The following MGAM2 variants were observed in gnomAD, a reference collection of about 807,000 sequenced individuals.
MGAM2 encodes probable maltase-glucoamylase 2.
Under a neutral mutation model 96.1 loss-of-function variants are expected in MGAM2, and 98 were observed. The observed-to-expected ratio is 1.02, with a 90% confidence interval of 0.87 to 1.21. MGAM2 has a LOEUF of 1.21. MGAM2 is among the 50% of genes most tolerant of loss of function. The pLI is 0.00. For synonymous variants in MGAM2, 749 were observed against 414.8 expected, an observed-to-expected ratio of 1.81 and a Z score of -9.79; for missense variants, 2,055 against 1,182.4, an observed-to-expected ratio of 1.74 and a Z score of -10.82.
At chr7:142,196,445 C>A in intron 38 of MGAM2, 120 bp from the exon 39 acceptor site, 2 of 664,852 alleles carry the variant, frequency 3.0e-6, no homozygotes, top group South Asian at 1.7e-5. Context: ...TTACACCCAT[C>A]TTTTAATATT....
intron 40 of MGAM2, among the ~76,000 whole-genome samples, chr7:142,197,151 T>C (rs555163917): frequency 6.6e-6 from 1 of 152,296 alleles, no homozygotes; most frequent in South Asian, 2.1e-4. Flanking sequence ...CACGGAAACC[T>C]CTCTCTGTAC....
At chr7:142,139,745 G>A (rs1262247476) in intron 10 of MGAM2, among the ~76,000 whole-genome samples, 5 of 151,762 alleles carry the variant, frequency 3.3e-5, no homozygotes, top group African/African-American at 1.2e-4. Context: ...TGCTTTCAGG[G>A]TTCTTCAATG....
chr7:142,190,267 C>CTTTTTTTTTTT (rs58228482), intron 37 of MGAM2, among the ~76,000 whole-genome samples: 8 of 104,242 alleles, frequency 7.7e-5, no homozygotes, highest in South Asian at 3.4e-4. Context: ...TACCATTTTA[C>CTTTTTTTTTTT]TTTTTTTTTT....
At position 142,208,562 on chromosome 7, in the gene MGAM2, C is replaced by T. The variant is rs1227092979; in HGVS notation, c.5138-11C>T. On this transcript the variant is annotated splice_polypyrimidine_tract_variant and intron_variant, in intron 45 of 47. Transcript: ENST00000477922. ...AGTAGTTGCTTATTCTTTTCTTTTC[C>T]TTGTTTGCAGATACCTATGAAAATG... The T allele has an allele frequency of 7.1e-6, 5 of 702,328 alleles. No homozygotes were observed. Among genetic ancestry groups the T allele is most frequent in the Non-Finnish European group, 1.3e-5 (5 of 384,816 alleles). 43.5% of individuals were successfully genotyped at this position (702,328 alleles called of 1,614,324 possible).
rs1796660064 is a variant in MGAM2 at position 142,185,270 on chromosome 7, T to TGGA, written c.3987+131_3987+132insGGA. On this transcript the variant is annotated intron_variant, in intron 34 of 47. Coordinates refer to ENST00000477922, the MANE Select transcript of MGAM2 (RefSeq NM_001293626.2). Reference sequence around the variant, plus strand: ...CTTGAGGGTGCTTATCCACTGTTAGTTTCTTGGCAGAAAGAGATCCTCGAG... The same window carrying TGGA: ...CTTGAGGGTGCTTATCCACTGTTAGTGGATTCTTGGCAGAAAGAGATCCTCGAG... 1.7e-4 allele frequency: 92 copies of TGGA among 536,656 alleles called. No individual in the cohort carries two copies. In the South Asian group the frequency reaches 2.4e-3, roughly 14 times the overall value. 33.2% of individuals were successfully genotyped at this position (536,656 alleles called of 1,614,324 possible). A position where few individuals can be genotyped will look rare whatever the true frequency, so the allele number is the denominator to read the frequency against.
rs1157094225 is a variant in MGAM2, at chr7:142,132,091, C to A, written c.575+6C>A. On this transcript the variant is annotated splice_donor_region_variant and intron_variant, in intron 6 of 47. Coordinates refer to ENST00000477922, the MANE Select transcript of MGAM2 (RefSeq NM_001293626.2). ...ACAAGCAACAGAAGAGTCTTGTGAG[C>A]TTTTCAACCCTCTTGGTGCATCTTT... 1 of 700,108 alleles carries A rather than the reference C, an allele frequency of 1.4e-6. No homozygotes were observed. Among genetic ancestry groups the A allele is most frequent in the Admixed American group, 2.0e-5 (1 of 49,262 alleles). 43.4% of individuals were successfully genotyped at this position (700,108 alleles called of 1,614,324 possible).
intron 15 of MGAM2, among the ~76,000 whole-genome samples, chr7:142,152,655 A>C (rs1795613411): frequency 6.6e-6 from 1 of 152,214 alleles, no homozygotes; most frequent in Admixed American, 6.5e-5. Context: ...TTAGGAAAAG[A>C]TACACTTGTC....
At chr7:142,113,524 A>G (rs1790728835) in intron 1 of MGAM2, among the ~76,000 whole-genome samples, 2 of 146,050 alleles carry the variant, frequency 1.4e-5, no homozygotes, top group South Asian at 4.3e-4. Context: ...AAAGATTCCT[A>G]GGTTTTTTTT....
intron 3 of MGAM2, 83 bp from the exon 4 acceptor site, chr7:142,130,865 A>G (rs953569708): frequency 1.6e-6 from 1 of 644,240 alleles, no homozygotes; most frequent in Non-Finnish European, 2.8e-6. Context: ...TCTCCTTGGA[A>G]TAAAATGGGT....
chr7:142,217,626 T>C (rs1797804889), intron 46 of MGAM2, among the ~76,000 whole-genome samples: 1 of 151,682 alleles, frequency 6.6e-6, no homozygotes, highest in Non-Finnish European at 1.5e-5. Flanking sequence ...TGGGAAGGGG[T>C]GGGGGCCATA....
chr7:142,126,298 A>G (rs1386962663), intron 3 of MGAM2, among the ~76,000 whole-genome samples: 1 of 152,034 alleles, frequency 6.6e-6, no homozygotes, highest in Non-Finnish European at 1.5e-5. Flanking sequence ...TCGCACATCT[A>G]TGTTTTTTAA....
At position 142,171,442 on chromosome 7, in the gene MGAM2, T is replaced by C; in HGVS notation, c.3351+2T>C. The stretch of plus-strand genomic sequence containing the variant: ...TTTGCTCATGATGAGCCACCTGCGG[T>C]AGGGACAAAGGAATAAGTTTAGCAA... On this transcript the variant is annotated splice_donor_variant, in intron 28 of 47. Transcript: ENST00000477922. LOFTEE classifies it high-confidence loss of function. 1.4e-6 allele frequency: 1 copy of C among 702,742 alleles called. No individual in the cohort carries two copies. Among genetic ancestry groups the C allele is most frequent in the Non-Finnish European group, 2.6e-6 (1 of 384,664 alleles). 43.5% of individuals were successfully genotyped at this position (702,742 alleles called of 1,614,324 possible). A position where few individuals can be genotyped will look rare whatever the true frequency, so the allele number is the denominator to read the frequency against.
At chr7:142,156,248 A>G (rs1772014319) in intron 17 of MGAM2, among the ~76,000 whole-genome samples, 1 of 152,162 alleles carries the variant, frequency 6.6e-6, no homozygotes, top group South Asian at 2.1e-4. Flanking sequence ...GTGTGTCTGT[A>G]TATTACATAG....
intron 7 of MGAM2, among the ~76,000 whole-genome samples, chr7:142,135,743 C>CACACACACACACAT (rs1452900730): frequency 1.3e-5 from 2 of 151,886 alleles, no homozygotes; most frequent in African/African-American, 2.4e-5. Flanking sequence ...CACACACACA[C>CACACACACACACAT]ACACACACAC....
intron 44 of MGAM2, among the ~76,000 whole-genome samples, 170 bp from the exon 45 acceptor site, chr7:142,199,710 A>C (rs145530466): frequency 6.6e-6 from 1 of 152,168 alleles, no homozygotes; most frequent in African/African-American, 2.4e-5. Flanking sequence ...GTTTTCCATT[A>C]ACTTTTAAAT....
intron 2 of MGAM2, among the ~76,000 whole-genome samples, chr7:142,119,980 G>A (rs904248048): frequency 5.3e-5 from 8 of 152,190 alleles, no homozygotes; most frequent in African/African-American, 1.9e-4. Context: ...TTCGACAGCG[G>A]TCACAGGTTG....
intron 31 of MGAM2, among the ~76,000 whole-genome samples, chr7:142,173,699 A>G (rs932398432): frequency 1.9e-4 from 29 of 152,196 alleles, no homozygotes; most frequent in African/African-American, 6.8e-4. Flanking sequence ...CCTTTGGGCT[A>G]AAAAGAAGCA....
chr7:142,216,077 A>G (rs1207185701), intron 46 of MGAM2, among the ~76,000 whole-genome samples: 1 of 152,172 alleles, frequency 6.6e-6, no homozygotes, highest in Non-Finnish European at 1.5e-5. Flanking sequence ...TCTCATGGTC[A>G]GCTAAGACCT....
intron 10 of MGAM2, among the ~76,000 whole-genome samples, chr7:142,139,646 T>C (rs1449323125): frequency 7.9e-6 from 1 of 127,298 alleles, no homozygotes; most frequent in East Asian, 2.2e-4. Context: ...GGTGACAGAG[T>C]GAGGCTCTAT....
Sources: allele counts gnomAD v4.1 joint callset (sites outside exome capture counted in the v4.1 genomes callset), GRCh38; gene constraint gnomAD v4.1.1; transcripts MANE v1.5; gene names NCBI Gene and HGNC (gene_info 2026-07-23, HGNC 2026-07-21).